Variants in CSF2RA observed in about 807,000 individuals in gnomAD.
The protein encoded by CSF2RA is colony stimulating factor 2 receptor subunit alpha, also known as granulocyte-macrophage colony-stimulating factor receptor subunit alpha.
Under a neutral mutation model 51.6 loss-of-function variants are expected in CSF2RA, and 42 were observed. That is an observed-to-expected ratio of 0.81 (90% confidence interval 0.64 to 1.05). CSF2RA has a LOEUF of 1.05. Ranked by LOEUF, CSF2RA falls within the 50% of genes least tolerant of loss-of-function variation. CSF2RA has a pLI of 0.00. For missense variants in CSF2RA, 530 were observed against 501.1 expected (o/e 1.06, Z -0.55); for synonymous variants, 222 against 193.0 (o/e 1.15, Z -1.24).
intron 10 of CSF2RA, among the ~76,000 whole-genome samples, chrX:1,302,369 A>C (rs1470512703): frequency 6.6e-6 from 1 of 152,038 alleles, no homozygotes; most frequent in Non-Finnish European, 1.5e-5. Context: ...TACAGAAGAA[A>C]AATTGTGAGC....
rs767242319 is a variant in CSF2RA at position 1,285,999 on chromosome X, G to C, written c.219+79G>C. 6.9e-6 allele frequency: 11 copies of C among 1,589,194 alleles called. No homozygotes were observed. In the African/African-American group the frequency reaches 1.3e-4, roughly 19 times the overall value. On this transcript the variant is annotated intron_variant, in intron 4 of 12. Coordinates refer to ENST00000381529, the MANE Select transcript of CSF2RA (RefSeq NM_172245.4). Reference sequence around the variant, plus strand: ...TTAAAAGCAACAGGGCCGGCTGGGCGCGGCGGCTCACGCCTGTCATCCCAG... The same window carrying C: ...TTAAAAGCAACAGGGCCGGCTGGGCCCGGCGGCTCACGCCTGTCATCCCAG...
chrX:1,291,938 T>TG (rs201879625), intron 7 of CSF2RA, among the ~76,000 whole-genome samples: 1 of 94,940 alleles, frequency 1.1e-5, no homozygotes, highest in African/African-American at 3.3e-5. Context: ...CACCTCCACT[T>TG]TACCCAGTGT....
the CSF2RA span, among the ~76,000 whole-genome samples, chrX:1,323,879 T>C: frequency 4.0e-5 from 6 of 151,524 alleles, no homozygotes; most frequent in Non-Finnish European, 5.9e-5. Context: ...CCGGGCGTGG[T>C]GGTGGGCGCC....
chrX:1,296,913 C>G (rs866741636), intron 9 of CSF2RA, among the ~76,000 whole-genome samples: 31 of 66,118 alleles, frequency 4.7e-4, no homozygotes, highest in South Asian at 1.2e-3. Flanking sequence ...CCCATGACCC[C>G]TGGCGGAACC....
chrX:1,291,920 C>A (rs777982365), intron 7 of CSF2RA, among the ~76,000 whole-genome samples: 4 of 108,992 alleles, frequency 3.7e-5, no homozygotes, highest in Non-Finnish European at 6.7e-5. Context: ...CAGGAGGAGA[C>A]CCTGTACCAC....
At chrX:1,274,647 T>A (rs2088924634) in intron 1 of CSF2RA, 108 bp from the exon 2 acceptor site, 2 of 436,264 alleles carry the variant, frequency 4.6e-6, no homozygotes, top group Non-Finnish European at 9.0e-6. Context: ...TTTTAAAACC[T>A]TTGTAGTACC....
intron 12 of CSF2RA, among the ~76,000 whole-genome samples, chrX:1,306,810 G>T (rs1381271229): frequency 4.6e-5 from 7 of 151,134 alleles, no homozygotes; most frequent in African/African-American, 1.7e-4. Context: ...GGGACAAAGA[G>T]AAAAAGACGG....
chrX:1,314,610 C>CAG (rs2084427816), downstream of CSF2RA, among the ~76,000 whole-genome samples: 1 of 12,992 alleles, frequency 7.7e-5, no homozygotes, highest in Non-Finnish European at 1.6e-4. Flanking sequence ...AACCCCACTG[C>CAG]ACCTGCCCAA....
At chrX:1,321,217 C>T in the CSF2RA span, among the ~76,000 whole-genome samples, 7 of 152,014 alleles carry the variant, frequency 4.6e-5, no homozygotes, top group Non-Finnish European at 8.8e-5. Context: ...CGCCTGTCAT[C>T]CCAACACTTT....
At chrX:1,278,843 G>A (rs1367091482) in intron 2 of CSF2RA, among the ~76,000 whole-genome samples, 4 of 149,336 alleles carry the variant, frequency 2.7e-5, no homozygotes, top group Admixed American at 1.3e-4. Flanking sequence ...TTCGAGACCA[G>A]CCTGGCCAAC....
At chrX:1,306,503 C>G (rs2083581386) in intron 12 of CSF2RA, among the ~76,000 whole-genome samples, 1 of 151,694 alleles carries the variant, frequency 6.6e-6, no homozygotes. Context: ...AAAAATTAGC[C>G]AGGTGTGGTG....
intron 2 of CSF2RA, among the ~76,000 whole-genome samples, chrX:1,278,393 A>G (rs1417620758): frequency 5.2e-4 from 78 of 150,178 alleles, no homozygotes; most frequent in Middle Eastern, 7.3e-3. Flanking sequence ...GTGGAAGACT[A>G]GCTACTCCAG....
chrX:1,273,615 C>T lies in CSF2RA; in HGVS notation c.-90-1140C>T, dbSNP rs188429802. On this transcript the variant is annotated intron_variant, in intron 1 of 12. Coordinates refer to ENST00000381529, the MANE Select transcript of CSF2RA (RefSeq NM_172245.4). Reference sequence around the variant, plus strand: ...AAGTGCTGGGATTATAGGCGTGAACCACTGCTCCCGGCTGGAGTACAGGGG... The same window carrying T: ...AAGTGCTGGGATTATAGGCGTGAACTACTGCTCCCGGCTGGAGTACAGGGG... 2.7e-3 allele frequency among the ~76,000 whole-genome samples: 403 copies of T among 151,868 alleles called. 1 individual carries two copies. The highest frequency in any genetic ancestry group is 8.9e-3 in the African/African-American group (369 of 41,414).
In CSF2RA at chrX:1,307,909, CT is replaced by C. The variant is rs1424629568; in HGVS notation, c.1126-1491del. ...TTTGACTGATTAGATGAGACCCACC[CT>C]TCCCATTTAGACCTTCAACTCATTA... On this transcript the variant is annotated intron_variant, in intron 12 of 12. Transcript: ENST00000381529. Among the ~76,000 whole-genome samples, 8 of 114,094 alleles carry C rather than the reference CT, an allele frequency of 7.0e-5. 1 individual carries two copies. The highest frequency in any genetic ancestry group is 1.8e-4 in the Non-Finnish European group (8 of 44,972). The allele number at this position is 114,094 out of a possible 152,430, so 74.9% of individuals were successfully genotyped here. A position where few individuals can be genotyped will look rare whatever the true frequency, so the allele number is the denominator to read the frequency against.
chrX:1,286,831 G>A (rs1247191570), intron 4 of CSF2RA, among the ~76,000 whole-genome samples: 4 of 152,072 alleles, frequency 2.6e-5, no homozygotes, highest in Admixed American at 6.6e-5. Flanking sequence ...GAAGCAGGAC[G>A]GAGAAAAGTA....
the CSF2RA span, among the ~76,000 whole-genome samples, chrX:1,325,174 C>T: frequency 5.0e-4 from 75 of 150,114 alleles, 1 homozygote; most frequent in Non-Finnish European, 8.7e-4. Context: ...GCCTGGCCAA[C>T]GTGTTGAAAC....
chrX:1,281,079 T>C (rs2089960870), intron 2 of CSF2RA, among the ~76,000 whole-genome samples: 1 of 68,324 alleles, frequency 1.5e-5, no homozygotes. Flanking sequence ...CTCCTCCTCC[T>C]CCTTCTCCTC....
At chrX:1,311,645 C>T (rs759801331), downstream of CSF2RA, among the ~76,000 whole-genome samples, 2 of 152,092 alleles carry the variant, frequency 1.3e-5, no homozygotes, top group South Asian at 4.1e-4. Context: ...AGGGTTTCAC[C>T]TTGTTGGTCA....
At chrX:1,294,542 G>A in intron 8 of CSF2RA, 81 bp downstream of exon 8, 4 of 1,584,950 alleles carry the variant, frequency 2.5e-6, no homozygotes, top group Non-Finnish European at 3.5e-6. Flanking sequence ...GAATCCCGGG[G>A]AAGTGGCCTG....
Sources: allele counts gnomAD v4.1 joint callset (sites outside exome capture counted in the v4.1 genomes callset), GRCh38; gene constraint gnomAD v4.1.1; transcripts MANE v1.5; gene names NCBI Gene and HGNC (gene_info 2026-07-23, HGNC 2026-07-21).